The following CCDC93 variants were observed in gnomAD, a reference collection of about 807,000 sequenced individuals.
The protein encoded by CCDC93 is CCC complex scaffolding subunit CCDC93.
Under a neutral mutation model 108.2 loss-of-function variants are expected in CCDC93, and 61 were observed. The observed-to-expected ratio is 0.56, with a 90% CI of 0.46 to 0.70. The LOEUF is 0.70. CCDC93 is among the 30% of genes least tolerant of loss of function. The probability of loss-of-function intolerance (pLI) is 0.00; values close to 1 mark genes in which losing one functional copy is unlikely to be tolerated. For synonymous variants in CCDC93, 276 were observed against 260.4 expected, an observed-to-expected ratio of 1.06 and a Z score of -0.58; for missense variants, 685 against 764.2, an observed-to-expected ratio of 0.90 and a Z score of 1.22.
rs552136394 is a variant in CCDC93 at position 118,008,834 on chromosome 2, T to C, written c.43-176A>G. 1.0e-4 allele frequency: 60 copies of C among 585,222 alleles called. 1 individual carries two copies. The highest frequency in any genetic ancestry group is 4.8e-4 in the Admixed American group (15 of 31,408). 36.3% of individuals were successfully genotyped at this position (585,222 alleles called of 1,614,324 possible). On this transcript the variant is annotated intron_variant, in intron 1 of 23. Transcript: ENST00000376300. ...ACACAGAAGTATGTGGACAGTGTTG[T>C]TGGAGTCACAAATGGGTCCGCGGTC...
chr2:117,962,926 G>A (rs928099785), intron 11 of CCDC93, among the ~76,000 whole-genome samples: 3 of 152,120 alleles, frequency 2.0e-5, no homozygotes, highest in African/African-American at 7.2e-5. Context: ...ATGAGATTTT[G>A]TAACAACAGA....
At chr2:117,983,955 T>C (rs1680236918) in intron 7 of CCDC93, among the ~76,000 whole-genome samples, 1 of 152,172 alleles carries the variant, frequency 6.6e-6, no homozygotes, top group Non-Finnish European at 1.5e-5. Flanking sequence ...TCAAACAGTA[T>C]TTGCAGACAA....
chr2:117,981,693 T>C (rs1162903820), intron 7 of CCDC93, among the ~76,000 whole-genome samples: 3 of 152,244 alleles, frequency 2.0e-5, no homozygotes, highest in Non-Finnish European at 4.4e-5. Context: ...ACCAAGTTAT[T>C]CCAAAGATAA....
chr2:117,953,887 C>G (rs1271773140), intron 12 of CCDC93, among the ~76,000 whole-genome samples: 4 of 151,978 alleles, frequency 2.6e-5, no homozygotes, highest in Non-Finnish European at 4.4e-5. Context: ...GAGTGAGACC[C>G]TGTCTCAAAA....
intron 11 of CCDC93, among the ~76,000 whole-genome samples, 198 bp from the exon 12 acceptor site, chr2:117,958,679 T>C (rs1243850891): frequency 2.6e-5 from 4 of 152,110 alleles, no homozygotes; most frequent in African/African-American, 9.7e-5. Flanking sequence ...CAACAGAACC[T>C]GCATTCTGGG....
At position 118,013,982 on chromosome 2, in the gene CCDC93, C is replaced by G. The variant is rs770677051; in HGVS notation, c.14G>C (p.Arg5Thr). The part of the protein sequence containing the change: MGLP[R>T]GPEGQGLPEV... ...CGGGAGACCCTGGCCCTCCGGCCCC[C>G]TGGGCAACCCCATGATCCGACCGGG... is the stretch of plus-strand genomic sequence containing the variant. Residue 5 changes from arginine (R) to threonine (T), a missense_variant, in exon 1 of 24, where the codon AGG (arginine) becomes ACG (threonine). Physicochemically the swap from Arg to Thr is moderately conservative, Grantham distance 71 (BLOSUM62 -1). Coordinates refer to ENST00000376300, the MANE Select transcript of CCDC93 (RefSeq NM_019044.5). 3.1e-6 allele frequency: 5 copies of G among 1,595,364 alleles called. No homozygotes were observed. Among genetic ancestry groups the G allele is most frequent in the Admixed American group, 1.7e-5 (1 of 57,414 alleles).
chr2:117,925,389 G>C lies in CCDC93; in HGVS notation c.1843-4993C>G, dbSNP rs1393854491. Among the ~76,000 whole-genome samples, 4 of 150,574 alleles carry C rather than the reference G, an allele frequency of 2.7e-5. No individual in the cohort carries two copies. The East Asian group carries it at 7.7e-4, about 29-fold the overall frequency. On this transcript the variant is annotated intron_variant, in intron 23 of 23. Transcript: ENST00000376300. ...ATTTAGGAAACCCATCTCATATGCA[G>C]AGACACACATAGGCTCAAAATAAAG...
chr2:117,976,541 A>C (rs1461869474), intron 8 of CCDC93, among the ~76,000 whole-genome samples: 1 of 152,228 alleles, frequency 6.6e-6, no homozygotes, highest in African/African-American at 2.4e-5. Flanking sequence ...TAATACTGAT[A>C]TTAATAATAA....
At chr2:117,987,762 C>T (rs996638120) in intron 6 of CCDC93, among the ~76,000 whole-genome samples, 2 of 152,286 alleles carry the variant, frequency 1.3e-5, no homozygotes, top group Admixed American at 6.5e-5. Context: ...ATCTACCATG[C>T]TTTCCATGAT....
In CCDC93 at chr2:117,949,342, T is replaced by C. The variant is rs754761873; in HGVS notation, c.1122A>G (p.Ile374Met). 2 of 1,613,600 alleles carry C rather than the reference T, an allele frequency of 1.2e-6. No homozygotes were observed. Among genetic ancestry groups the C allele is most frequent in the Admixed American group, 3.3e-5 (2 of 60,022 alleles). The change falls in exon 14 of 24, where the codon ATA becomes ATG. Residue 374 changes from isoleucine (I) to methionine (M), a missense_variant. Physicochemically the swap from Ile to Met is conservative, Grantham distance 10 (BLOSUM62 1). Coordinates refer to ENST00000376300, the MANE Select transcript of CCDC93 (RefSeq NM_019044.5). Reference protein sequence around the residue: ...LDKEQAALEKIESKADPSILQ... With the variant: ...LDKEQAALEKMESKADPSILQ... ...CTTACCTTGGATCAGCTTTGGATTC[T>C]ATCTTCTCGAGGGCTGCTTGCTCTT...
chr2:117,927,449 A>G (rs528055149), intron 23 of CCDC93, among the ~76,000 whole-genome samples: 214 of 152,258 alleles, frequency 1.4e-3, no homozygotes, highest in African/African-American at 5.0e-3. Flanking sequence ...TGCAAAAATC[A>G]CAAGCATTCT....
At position 117,916,854 on chromosome 2, in the gene CCDC93, CAA is replaced by C. The variant is rs779608981; in HGVS notation, c.*3487_*3488del. 2 of 152,184 alleles carry C rather than the reference CAA, an allele frequency of 1.3e-5. No homozygotes were observed. Among genetic ancestry groups the C allele is most frequent in the Non-Finnish European group, 2.9e-5 (2 of 68,040 alleles). The allele number at this position is 152,184 out of a possible 1,614,324, so 9.4% of individuals were successfully genotyped here. Reference sequence around the variant, plus strand: ...ATGCTCTGGACTTCATGAAAAGGATCAAGAGAGGGCCTGGGGGATTCTGAAGA... The same window carrying C: ...ATGCTCTGGACTTCATGAAAAGGATCGAGAGGGCCTGGGGGATTCTGAAGA... On this transcript the variant is annotated 3_prime_UTR_variant, in exon 24 of 24. Transcript: ENST00000376300.
chr2:117,921,161 A>G (rs1329099094), intron 23 of CCDC93, among the ~76,000 whole-genome samples: 1 of 144,908 alleles, frequency 6.9e-6, no homozygotes, highest in Non-Finnish European at 1.5e-5. Flanking sequence ...TGGGTGACAG[A>G]GCAAGGCTCT....
At chr2:117,944,637 A>G (rs980356441) in intron 17 of CCDC93, 2 of 448,602 alleles carry the variant, frequency 4.5e-6, no homozygotes, top group Non-Finnish European at 4.7e-6. Context: ...ACATGGCTGG[A>G]TGGTTTGTCG....
At position 117,920,287 on chromosome 2, in the gene CCDC93, G is replaced by T. The variant is rs1573452052; in HGVS notation, c.*56C>A. The T allele has an allele frequency of 8.6e-7, 1 of 1,164,826 alleles. No individual in the cohort carries two copies. The highest frequency in any genetic ancestry group is 2.3e-5 in the East Asian group (1 of 42,578). The allele number at this position is 1,164,826 out of a possible 1,614,324, so 72.2% of individuals were successfully genotyped here. A position where few individuals can be genotyped will look rare whatever the true frequency, so the allele number is the denominator to read the frequency against. ...TCAGAACCATTTCATGATCTTGTAG[G>T]TGATATACGGTGCTTAAAAGTAAAA... is the stretch of plus-strand genomic sequence containing the variant. On this transcript the variant is annotated 3_prime_UTR_variant, in exon 24 of 24. Transcript: ENST00000376300.
intron 16 of CCDC93, among the ~76,000 whole-genome samples, chr2:117,946,199 G>C (rs1203456502): frequency 6.6e-6 from 1 of 152,210 alleles, no homozygotes; most frequent in Non-Finnish European, 1.5e-5. Flanking sequence ...AGGGCATGCG[G>C]TCTGGCGTGG....
chr2:117,966,546 TAGTG>T (rs1679581300), intron 11 of CCDC93, among the ~76,000 whole-genome samples: 1 of 152,206 alleles, frequency 6.6e-6, no homozygotes, highest in African/African-American at 2.4e-5. Context: ...GGGTCCAACT[TAGTG>T]AGTGACAGAA....
At chr2:118,007,830 C>A (rs546344581) in intron 2 of CCDC93, among the ~76,000 whole-genome samples, 2 of 152,342 alleles carry the variant, frequency 1.3e-5, no homozygotes, top group South Asian at 4.1e-4. Context: ...TATAAAATAA[C>A]CCAGAGTGAT....
rs773628715 is a variant in CCDC93, at chr2:117,975,267, T to G, written c.671A>C (p.Lys224Thr). Reference protein sequence around the residue: ...QSKMEKAEDKKTALPAGLSAT... With the variant: ...QSKMEKAEDKTTALPAGLSAT... ...TGACAGCCCTGCTGGAAGTGCCGTT[T>G]TCTTGTCCTCAGCCTGCAAGGGAAG... The change falls in exon 9 of 24, where the codon AAA becomes ACA. Residue 224 changes from lysine to threonine, a missense_variant. By Grantham distance (78) the Lys-to-Thr change is moderately conservative. Coordinates refer to ENST00000376300, the MANE Select transcript of CCDC93 (RefSeq NM_019044.5). 3 of 1,613,058 alleles carry G rather than the reference T, an allele frequency of 1.9e-6. No homozygotes were observed. The highest frequency in any genetic ancestry group is 1.7e-6 in the Non-Finnish European group (2 of 1,179,784).
Sources: allele counts gnomAD v4.1 joint callset (sites outside exome capture counted in the v4.1 genomes callset), GRCh38; gene constraint gnomAD v4.1.1; transcripts MANE v1.5; gene names NCBI Gene and HGNC (gene_info 2026-07-23, HGNC 2026-07-21).